TELO2: variants seen among roughly 807,000 people sequenced by gnomAD.
The protein encoded by TELO2 is telomere length regulation protein TEL2 homolog.
Under a neutral mutation model 91.0 loss-of-function variants are expected in TELO2, and 71 were observed. The observed-to-expected ratio is 0.78, with a 90% CI of 0.64 to 0.95. The LOEUF is 0.95. Among genes scored for constraint, TELO2 ranks in the 40% least tolerant of loss-of-function variants. The pLI is 0.00. For synonymous variants in TELO2, 584 were observed against 518.9 expected (o/e 1.13, Z -1.71); for missense variants, 1,183 against 1,141.3 (o/e 1.04, Z -0.53).
Position 1,500,193 on chromosome 16 carries a change from C to A in TELO2, c.1002+29C>A, listed in dbSNP as rs754582043. The A allele has an allele frequency of 5.7e-6, 9 of 1,583,542 alleles. No individual in the cohort carries two copies. The African/African-American group carries it at 1.1e-4, about 19-fold the overall frequency. ...CGTGCCTCCTGGCTCTCCGTCCCTG[C>A]GAGGCCCTGGGAGAAGAGCCGTGCG... On this transcript the variant is annotated intron_variant, in intron 7 of 20. Transcript: ENST00000262319.
At chr16:1,503,997 G>T (rs1305316572) in intron 15 of TELO2, among the ~76,000 whole-genome samples, 1 of 151,962 alleles carries the variant, frequency 6.6e-6, no homozygotes, top group African/African-American at 2.4e-5. Flanking sequence ...TGGGAGTGGG[G>T]CGCCTGTGGT....
In TELO2 at chr16:1,495,494, G is replaced by A. The variant is rs747223629; in HGVS notation, c.484G>A (p.Ala162Thr). 2.5e-6 allele frequency: 4 copies of A among 1,610,848 alleles called. No individual in the cohort carries two copies. Among genetic ancestry groups the A allele is most frequent in the Non-Finnish European group, 3.4e-6 (4 of 1,179,766 alleles). ...GGAGACGCTGCTGGGCAAGGTGGTGGCCCTGCCCGATCACCTGGGCAACCG... is the reference window on the plus strand; with the variant it reads ...GGAGACGCTGCTGGGCAAGGTGGTGACCCTGCCCGATCACCTGGGCAACCG... ...LRETLLGKVVALPDHLGNRLQ... is the reference protein window; with the variant it reads ...LRETLLGKVVTLPDHLGNRLQ... The change falls in exon 3 of 21, where the codon GCC becomes ACC. Residue 162 changes from alanine (A) to threonine (T), a missense_variant. Transcript: ENST00000262319.
Position 1,502,781 on chromosome 16 carries a change from G to C in TELO2, c.1770+20G>C, listed in dbSNP as rs756666506. The C allele has an allele frequency of 6.2e-7, 1 of 1,609,352 alleles. No individual in the cohort carries two copies. Among genetic ancestry groups the C allele is most frequent in the Non-Finnish European group, 8.5e-7 (1 of 1,179,384 alleles). ...GCCCCGGTGAGTTCCCGCACCCGTGGCCCTGGCCAGTGCAGGCACAGCGGG... is the reference window on the plus strand; with the variant it reads ...GCCCCGGTGAGTTCCCGCACCCGTGCCCCTGGCCAGTGCAGGCACAGCGGG... On this transcript the variant is annotated intron_variant, in intron 14 of 20. Coordinates refer to ENST00000262319, the MANE Select transcript of TELO2 (RefSeq NM_016111.4).
Position 1,497,204 on chromosome 16 carries a change from C to A in TELO2, c.682+100C>A. The A allele has an allele frequency of 6.5e-7, 1 of 1,544,782 alleles. No homozygotes were observed. The highest frequency in any genetic ancestry group is 1.2e-5 in the South Asian group (1 of 85,308). ...AATCCCTCCTGACCCTGGCCCTCTG[C>A]AGGGTCCCCTTGCCCGGTCCTGTCC... On this transcript the variant is annotated intron_variant, in intron 4 of 20. Transcript: ENST00000262319. The surrounding 1 kb of genome is among the most constrained non-coding windows in gnomAD (Gnocchi z 4.0).
rs371686195 is a variant in TELO2, at chr16:1,497,095, G to A, written c.673G>A (p.Gly225Arg). 1.6e-5 allele frequency: 26 copies of A among 1,613,870 alleles called. No homozygotes were observed. Among genetic ancestry groups the A allele is most frequent in the South Asian group, 5.5e-5 (5 of 91,076 alleles). Reference sequence around the variant, plus strand: ...GGTCCTTGGGAAAGCCTGTGTCCACGGGAGGCAGCGTGAGTAGAGCAGTGC... The same window carrying A: ...GGTCCTTGGGAAAGCCTGTGTCCACAGGAGGCAGCGTGAGTAGAGCAGTGC... ...SQVLGKACVH[G>R]RQQEILGVLV... Residue 225 changes from glycine (G) to arginine (R), a missense_variant, in exon 4 of 21, where the codon GGG becomes AGG. By Grantham distance (125) the Gly-to-Arg change is moderately radical. Coordinates refer to ENST00000262319, the MANE Select transcript of TELO2 (RefSeq NM_016111.4). This position sits in a 1 kb window ranked among gnomAD's most constrained non-coding sequence, Gnocchi z 4.0.
Position 1,505,654 on chromosome 16 carries a change from G to GGGGA in TELO2, c.2034+53_2034+54insGGGA. On this transcript the variant is annotated intron_variant, in intron 16 of 20. Transcript: ENST00000262319. The surrounding 1 kb of genome is among the most constrained non-coding windows in gnomAD (Gnocchi z 4.3). The stretch of plus-strand genomic sequence containing the variant: ...GGGCATGGGGACCGTGGGTGGGTGG[G>GGGGA]AAGGGCGGTCAGACACCTCCAGGCG... 3 of 666,574 alleles carry GGGGA rather than the reference G, an allele frequency of 4.5e-6. No individual in the cohort carries two copies. The highest frequency in any genetic ancestry group is 7.9e-6 in the Non-Finnish European group (3 of 378,974). 41.3% of individuals were successfully genotyped at this position (666,574 alleles called of 1,614,324 possible).
chr16:1,501,897 T>C (rs2039700098), intron 11 of TELO2, 124 bp downstream of exon 11: 6 of 1,428,064 alleles, frequency 4.2e-6, no homozygotes, highest in East Asian at 4.7e-5. Context: ...TTCGTCCTCA[T>C]GTGAGGGCCC....
Position 1,500,550 on chromosome 16 carries a change from C to T in TELO2, c.1145-13C>T, listed in dbSNP as rs1218784521. ...GCCCCGAGGTGCTCAGGGGGCCTGTCCGGTGCTTGCAGAACTGCTGGCCAG... is the reference window on the plus strand; with the variant it reads ...GCCCCGAGGTGCTCAGGGGGCCTGTTCGGTGCTTGCAGAACTGCTGGCCAG... On this transcript the variant is annotated splice_polypyrimidine_tract_variant and intron_variant, in intron 8 of 20. Coordinates refer to ENST00000262319, the MANE Select transcript of TELO2 (RefSeq NM_016111.4). The T allele has an allele frequency of 6.2e-7, 1 of 1,611,390 alleles. No individual in the cohort carries two copies. The highest frequency in any genetic ancestry group is 8.5e-7 in the Non-Finnish European group (1 of 1,179,390).
chr16:1,502,896 C>T, intron 14 of TELO2, 35 bp from the exon 15 acceptor site: 1 of 1,608,058 alleles, frequency 6.2e-7, no homozygotes, highest in Non-Finnish European at 8.5e-7. Context: ...GCCCTCAGGT[C>T]CCGGACCACA....
intron 15 of TELO2, among the ~76,000 whole-genome samples, chr16:1,504,894 C>G (rs960273310): frequency 6.6e-6 from 1 of 152,064 alleles, no homozygotes; most frequent in Non-Finnish European, 1.5e-5. Flanking sequence ...AGTCCCAGAG[C>G]GTCCTTATCA....
At position 1,505,561 on chromosome 16, in the gene TELO2, T is replaced by C; in HGVS notation, c.1994T>C (p.Val665Ala). 1.2e-6 allele frequency: 2 copies of C among 1,602,416 alleles called. No individual in the cohort carries two copies. The highest frequency in any genetic ancestry group is 8.5e-7 in the Non-Finnish European group (1 of 1,174,316). Residue 665 changes from valine to alanine, a missense_variant, in exon 16 of 21, where the codon GTG (valine) becomes GCG (alanine). Coordinates refer to ENST00000262319, the MANE Select transcript of TELO2 (RefSeq NM_016111.4). This position sits in a 1 kb window ranked among gnomAD's most constrained non-coding sequence, Gnocchi z 4.3. ...GTGGCGTCTGACTGGCGGGTGGTGG[T>C]GGAGGAGCGGATCAGAAGCAAGACC... ...SAVASDWRVV[V>A]EERIRSKTQR...
Position 1,505,491 on chromosome 16 carries a change from A to G in TELO2, c.1924A>G (p.Thr642Ala). 6.2e-7 allele frequency: 1 copy of G among 1,612,838 alleles called. No homozygotes were observed. The change falls in exon 16 of 21, where the codon ACC becomes GCC. Residue 642 changes from threonine to alanine, a missense_variant. Thr to Ala is a moderately conservative substitution (Grantham distance 58, BLOSUM62 0). Transcript: ENST00000262319. The surrounding 1 kb of genome is among the most constrained non-coding windows in gnomAD (Gnocchi z 4.3). ...CCAACCTGGCTCCCCAAGTCCCAAC[A>G]CCCCGTGCCTGCCAGAGGCAGCCGT... ...TPQPGSPSPN[T>A]PCLPEAAVSQ...
chr16:1,494,168 G>A lies in TELO2; in HGVS notation c.-36-78G>A. 1.0e-6 allele frequency: 1 copy of A among 1,004,896 alleles called. No individual in the cohort carries two copies. Among genetic ancestry groups the A allele is most frequent in the South Asian group, 1.5e-5 (1 of 65,748 alleles). The allele number at this position is 1,004,896 out of a possible 1,614,324, so 62.2% of individuals were successfully genotyped here. Reference sequence around the variant, plus strand: ...CAGGGTTGAGGGGTGTGGGGTCTCGGGGCGCTCACCGAGGGGCTTCCTGAG... The same window carrying A: ...CAGGGTTGAGGGGTGTGGGGTCTCGAGGCGCTCACCGAGGGGCTTCCTGAG... On this transcript the variant is annotated intron_variant, in intron 1 of 20. Coordinates refer to ENST00000262319, the MANE Select transcript of TELO2 (RefSeq NM_016111.4). This position sits in a 1 kb window ranked among gnomAD's most constrained non-coding sequence, Gnocchi z 5.6.
intron 15 of TELO2, among the ~76,000 whole-genome samples, chr16:1,504,294 C>T (rs1441226564): frequency 6.6e-6 from 1 of 151,084 alleles, no homozygotes; most frequent in Non-Finnish European, 1.5e-5. Flanking sequence ...ATTAGCTGGG[C>T]ATGGTGGTGC....
chr16:1,502,595 G>A (rs374277149), intron 13 of TELO2, 50 bp from the exon 14 acceptor site: 46 of 1,587,446 alleles, frequency 2.9e-5, no homozygotes, highest in Middle Eastern at 1.7e-4. Flanking sequence ...GTGAGGCCTC[G>A]GCGGGCAGCT....
intron 5 of TELO2, among the ~76,000 whole-genome samples, chr16:1,498,722 G>GTCATATT (rs139422153): frequency 6.6e-6 from 1 of 151,340 alleles, no homozygotes; most frequent in Non-Finnish European, 1.5e-5. Context: ...TTATTTCTTT[G>GTCATATT]TGTGGAATTT....
At position 1,507,655 on chromosome 16, in the gene TELO2, T is replaced by C. The variant is rs1288772159; in HGVS notation, c.2346T>C (p.Pro782=). Residue 782 remains proline, a synonymous_variant, in exon 20 of 21, where the codon CCT becomes CCC. Coordinates refer to ENST00000262319, the MANE Select transcript of TELO2 (RefSeq NM_016111.4). ...SAVSSVLLSL[P]AARLLEDLMD... is the part of the protein sequence containing the mutation. ...TCTCCTCCGTCCTGCTCAGCCTGCC[T>C]GCTGCGCGCCTGCTGGAGGACCTGA... The C allele has an allele frequency of 6.2e-7, 1 of 1,602,322 alleles. No individual in the cohort carries two copies. Among genetic ancestry groups the C allele is most frequent in the Admixed American group, 1.7e-5 (1 of 59,906 alleles).
intron 7 of TELO2, 67 bp downstream of exon 7, chr16:1,500,231 T>G: frequency 6.5e-7 from 1 of 1,539,712 alleles, no homozygotes; most frequent in Non-Finnish European, 8.7e-7. Flanking sequence ...GCTCACCTTT[T>G]GGGCGGCAGG....
chr16:1,501,423 G>A lies in TELO2; in HGVS notation c.1285G>A (p.Glu429Lys), dbSNP rs61739605. ...PEGPPLKFQYEEDELSLELLA... is the reference protein window; with the variant it reads ...PEGPPLKFQYKEDELSLELLA... ...TGAGCCTGCTCCCCTGCTGTAGTAC[G>A]AAGAGGATGAACTGAGCCTCGAGCT... Residue 429 changes from glutamate to lysine, a missense_variant, in exon 10 of 21, where the codon GAA (glutamate) becomes AAA (lysine). By Grantham distance (56) the Glu-to-Lys change is moderately conservative (BLOSUM62 1). Transcript: ENST00000262319. 51 of 1,612,382 alleles carry A rather than the reference G, an allele frequency of 3.2e-5. 1 individual carries two copies. The East Asian group carries it at 3.6e-4, about 11-fold the overall frequency.
Sources: allele counts gnomAD v4.1 joint callset (sites outside exome capture counted in the v4.1 genomes callset), GRCh38; gene constraint gnomAD v4.1.1; non-coding constraint Gnocchi (gnomAD v3.1); transcripts MANE v1.5; gene names NCBI Gene and HGNC (gene_info 2026-07-23, HGNC 2026-07-21).